Variants in ANKS6 observed in about 807,000 individuals in gnomAD.
ANKS6 encodes ankyrin repeat and SAM domain-containing protein 6.
Under a neutral mutation model 77.9 loss-of-function variants are expected in ANKS6, and 47 were observed. The ratio of observed to expected loss-of-function variants is 0.60; its 90% CI spans 0.48 to 0.77. The LOEUF is 0.77. Ranked by LOEUF, ANKS6 falls within the 30% of genes least tolerant of loss-of-function variation. The pLI is 0.00. For missense variants in ANKS6, 1,150 were observed against 1,159.1 expected (o/e 0.99, Z 0.11); for synonymous variants, 488 against 501.7 (o/e 0.97, Z 0.37).
rs528982030 is a variant in ANKS6 at position 98,757,215 on chromosome 9, C to A, written c.2143-612G>T. Among the ~76,000 whole-genome samples the A allele has an allele frequency of 5.9e-5, 9 of 152,312 alleles. No homozygotes were observed. The East Asian group carries it at 1.7e-3, about 29-fold the overall frequency. On this transcript the variant is annotated intron_variant, in intron 11 of 14. Transcript: ENST00000353234. ...ATAATGATCAAAACTAACAAGCTGACATTGACACAACACTATTAACTAAAC... is the reference window on the plus strand; with the variant it reads ...ATAATGATCAAAACTAACAAGCTGAAATTGACACAACACTATTAACTAAAC...
At chr9:98,776,401 T>C (rs902141376) in intron 8 of ANKS6, among the ~76,000 whole-genome samples, 48 of 1,480 alleles carry the variant, frequency 0.032, no homozygotes, top group African/African-American at 0.1. Flanking sequence ...CCAAAAACCC[T>C]TTTTTTTTTT....
intron 11 of ANKS6, among the ~76,000 whole-genome samples, chr9:98,758,149 T>TC (rs1832814796): frequency 6.6e-6 from 1 of 152,020 alleles, no homozygotes; most frequent in Non-Finnish European, 1.5e-5. Flanking sequence ...AGTTGTTCTT[T>TC]CTCTCCTATT....
chr9:98,753,176 A>C (rs1465261428), intron 12 of ANKS6, among the ~76,000 whole-genome samples: 4 of 152,234 alleles, frequency 2.6e-5, no homozygotes, highest in African/African-American at 4.8e-5. Flanking sequence ...TATAAATTCC[A>C]TATAGCCAAT....
intron 12 of ANKS6, among the ~76,000 whole-genome samples, chr9:98,752,348 C>G (rs1410087102): frequency 6.6e-6 from 1 of 152,182 alleles, no homozygotes; most frequent in Non-Finnish European, 1.5e-5. Flanking sequence ...GCAGTGCATG[C>G]AGCTTAAAGA....
chr9:98,755,981 G>T (rs765980456), intron 12 of ANKS6, among the ~76,000 whole-genome samples: 1 of 152,122 alleles, frequency 6.6e-6, no homozygotes, highest in African/African-American at 2.4e-5. Flanking sequence ...CACTCCCAAA[G>T]CACCTGAATT....
intron 12 of ANKS6, among the ~76,000 whole-genome samples, chr9:98,755,732 G>A (rs1217311630): frequency 3.3e-5 from 5 of 152,188 alleles, no homozygotes; most frequent in African/African-American, 1.2e-4. Flanking sequence ...ACAACTGACC[G>A]AAGGGGCATG....
rs7854149 is a variant in ANKS6, at chr9:98,788,265, G to A, written c.862+1839C>T. 5.8e-3 allele frequency among the ~76,000 whole-genome samples: 883 copies of A among 152,326 alleles called. 8 individuals are homozygous for A. Among genetic ancestry groups the A allele is most frequent in the African/African-American group, 0.02 (830 of 41,572 alleles). ...GCTAAGGAAACCTGGGATGGAGAAC[G>A]CATGCACAACAGAAGAGGCACAGCT... On this transcript the variant is annotated intron_variant, in intron 2 of 14. Transcript: ENST00000353234.
At chr9:98,774,109 A>G (rs968633870) in intron 8 of ANKS6, 29 bp from the exon 9 acceptor site, 2 of 1,408,976 alleles carry the variant, frequency 1.4e-6, no homozygotes, top group African/African-American at 2.9e-5. Flanking sequence ...GGGTTAGACA[A>G]GCCCCCAGGA....
rs568582888 is a variant in ANKS6, at chr9:98,778,930, A to C, written c.1369-506T>G. Among the ~76,000 whole-genome samples the C allele has an allele frequency of 1.2e-4, 18 of 152,334 alleles. No homozygotes were observed. The South Asian group carries it at 3.7e-3, about 32-fold the overall frequency. ...TGAGCCTCACCTAGAGAGGACAGGC[A>C]CTACCTCCTGGGAACGCTTGTAACC... On this transcript the variant is annotated intron_variant, in intron 6 of 14. Transcript: ENST00000353234.
At chr9:98,782,352 T>C (rs1834318098) in intron 5 of ANKS6, 115 bp downstream of exon 5, 1 of 934,520 alleles carries the variant, frequency 1.1e-6, no homozygotes, top group Non-Finnish European at 1.7e-6. Flanking sequence ...GAGAGTGACT[T>C]TCCCCCACGA....
chr9:98,754,864 G>A (rs1832613517), intron 12 of ANKS6, among the ~76,000 whole-genome samples: 1 of 152,152 alleles, frequency 6.6e-6, no homozygotes, highest in Non-Finnish European at 1.5e-5. Context: ...GAACAAGAGG[G>A]AAAGAGAGTG....
chr9:98,771,444 C>T (rs529919264), intron 9 of ANKS6, among the ~76,000 whole-genome samples: 501 of 152,314 alleles, frequency 3.3e-3, no homozygotes, highest in Non-Finnish European at 5.5e-3. Context: ...AAGCCTGCTT[C>T]CGTGATGCTG....
intron 6 of ANKS6, among the ~76,000 whole-genome samples, chr9:98,778,635 G>C (rs1195462506): frequency 1.3e-5 from 2 of 152,218 alleles, no homozygotes; most frequent in Non-Finnish European, 2.9e-5. Context: ...CCCTTAGGCA[G>C]TCACTTCCAA....
At chr9:98,777,834 C>T (rs1833999476) in intron 7 of ANKS6, among the ~76,000 whole-genome samples, 1 of 152,196 alleles carries the variant, frequency 6.6e-6, no homozygotes, top group Non-Finnish European at 1.5e-5. Flanking sequence ...CTGTTGAATA[C>T]CTTGAGTGAC....
intron 9 of ANKS6, 31 bp downstream of exon 9, chr9:98,773,846 A>C: frequency 4.1e-6 from 6 of 1,481,066 alleles, no homozygotes; most frequent in Non-Finnish European, 5.4e-6. Context: ...GCAGTGAGTG[A>C]TGTGTAAAAG....
intron 2 of ANKS6, among the ~76,000 whole-genome samples, chr9:98,788,943 T>C (rs1357964571): frequency 6.6e-6 from 1 of 152,186 alleles, no homozygotes; most frequent in Non-Finnish European, 1.5e-5. Flanking sequence ...TCCTTTTCAT[T>C]TGAGCATCCT....
Position 98,768,315 on chromosome 9 carries a change from G to A in ANKS6, c.1973-65C>T, listed in dbSNP as rs1833419861. 3 of 1,585,752 alleles carry A rather than the reference G, an allele frequency of 1.9e-6. No homozygotes were observed. In the South Asian group the frequency reaches 3.4e-5, roughly 18 times the overall value. Reference sequence around the variant, plus strand: ...GGGCTTACTCCAACACAAGGGTGGTGGACTGTCGTGTGATGATTGGGTTGG... The same window carrying A: ...GGGCTTACTCCAACACAAGGGTGGTAGACTGTCGTGTGATGATTGGGTTGG... On this transcript the variant is annotated intron_variant, in intron 10 of 14. Coordinates refer to ENST00000353234, the MANE Select transcript of ANKS6 (RefSeq NM_173551.5).
At chr9:98,792,703 C>T (rs375885132) in intron 1 of ANKS6, among the ~76,000 whole-genome samples, 6 of 152,192 alleles carry the variant, frequency 3.9e-5, no homozygotes, top group African/African-American at 1.2e-4. Flanking sequence ...TAATAAACCC[C>T]GAGATAAACT....
rs184443656 is a variant in ANKS6, at chr9:98,735,965, T to C, written c.*554A>G. 9.8e-6 allele frequency: 12 copies of C among 1,228,032 alleles called. No individual in the cohort carries two copies. The highest frequency in any genetic ancestry group is 1.1e-5 in the Non-Finnish European group (11 of 986,350). 76.1% of individuals were successfully genotyped at this position (1,228,032 alleles called of 1,614,324 possible). ...GCAAGTTAGAAGTTTTAAGGGAAGA[T>C]GTGCCAGGAAGGCTAACCTCTCACC... On this transcript the variant is annotated 3_prime_UTR_variant, in exon 15 of 15. Transcript: ENST00000353234.
Sources: gnomAD v4.1 joint callset for allele counts (sites outside exome capture counted in the v4.1 genomes callset) on GRCh38, gnomAD v4.1.1 for gene constraint, MANE v1.5 for transcripts, NCBI Gene and HGNC (gene_info 2026-07-23, HGNC 2026-07-21) for gene names.